NFASC: variants seen among roughly 807,000 people sequenced by gnomAD.
NFASC encodes the protein neurofascin.
A neutral mutation model predicts 147.5 loss-of-function variants in NFASC; 43 were observed. That is an observed-to-expected ratio of 0.29 (90% CI 0.23 to 0.38). The LOEUF (loss-of-function observed/expected upper bound fraction) is 0.38. Among genes scored for constraint, NFASC ranks in the 10% least tolerant of loss-of-function variants. NFASC has a pLI of 1.00. For synonymous variants in NFASC, 622 were observed against 665.5 expected (o/e 0.93, Z 1.01); for missense variants, 1,320 against 1,689.0 (o/e 0.78, Z 3.83).
intron 1 of NFASC, among the ~76,000 whole-genome samples, chr1:204,830,075 G>A (rs1671797428): frequency 1.3e-5 from 2 of 151,610 alleles, no homozygotes; most frequent in South Asian, 4.2e-4. Flanking sequence ...CCCTCAGTGT[G>A]GGGGAGAGGA....
At chr1:204,960,121 C>T (rs189763047) in intron 8 of NFASC, among the ~76,000 whole-genome samples, 1 of 152,186 alleles carries the variant, frequency 6.6e-6, no homozygotes, top group Non-Finnish European at 1.5e-5. Context: ...CTTGTACCTT[C>T]AGAACCAGGT....
At chr1:204,969,937 G>A (rs141646803) in intron 10 of NFASC, among the ~76,000 whole-genome samples, 82 of 152,102 alleles carry the variant, frequency 5.4e-4, no homozygotes, top group East Asian at 1.2e-3. Context: ...TTAGCTGGGC[G>A]TGGTGGGACA....
intron 22 of NFASC, 39 bp from the exon 23 acceptor site, chr1:204,988,594 G>A (rs749410403): frequency 1.9e-6 from 3 of 1,582,596 alleles, no homozygotes; most frequent in Non-Finnish European, 2.6e-6. Flanking sequence ...ATCAATAAAT[G>A]TTGCTAAAGT....
chr1:204,940,647 A>T (rs1207412387), intron 2 of NFASC, among the ~76,000 whole-genome samples: 1 of 152,132 alleles, frequency 6.6e-6, no homozygotes, highest in Non-Finnish European at 1.5e-5. Flanking sequence ...GTCTCAGTGT[A>T]TGTATCTATT....
chr1:204,887,805 C>T (rs879853599), intron 1 of NFASC, among the ~76,000 whole-genome samples: 9 of 151,926 alleles, frequency 5.9e-5, no homozygotes, highest in Admixed American at 5.2e-4. Flanking sequence ...GCCATGTTGG[C>T]CAGGCTGGTC....
chr1:205,003,515 C>T (rs2794864), intron 27 of NFASC, among the ~76,000 whole-genome samples: 5 of 152,100 alleles, frequency 3.3e-5, no homozygotes, highest in African/African-American at 1.2e-4. Context: ...CAGGGCACTC[C>T]CTGGTCTGAG....
chr1:204,921,123 G>A (rs541432435), intron 2 of NFASC, among the ~76,000 whole-genome samples: 1 of 152,342 alleles, frequency 6.6e-6, no homozygotes, highest in Non-Finnish European at 1.5e-5. Context: ...GCATATGGGA[G>A]ACAGTCCAAG....
At chr1:204,997,138 C>G in intron 24 of NFASC, 32 bp from the exon 25 acceptor site, 2 of 1,588,180 alleles carry the variant, frequency 1.3e-6, no homozygotes, top group Non-Finnish European at 1.7e-6. Context: ...GCCAAACCAA[C>G]CAGACTCGGC....
chr1:204,977,621 C>G (rs1475814426), intron 16 of NFASC, 60 bp from the exon 17 acceptor site: 1 of 1,544,044 alleles, frequency 6.5e-7, no homozygotes, highest in African/African-American at 1.4e-5. Context: ...CCCCATCCTT[C>G]TAGAACACCT....
rs1205146176 is a variant in NFASC, at chr1:205,016,851, C to G, written c.*312C>G. The G allele has an allele frequency of 4.4e-6, 2 of 449,960 alleles. No individual in the cohort carries two copies. Among genetic ancestry groups the G allele is most frequent in the Non-Finnish European group, 8.3e-6 (2 of 240,630 alleles). The allele number at this position is 449,960 out of a possible 1,614,324, so 27.9% of individuals were successfully genotyped here. On this transcript the variant is annotated 3_prime_UTR_variant, in exon 30 of 30. Transcript: ENST00000339876. This position sits in a 1 kb window ranked among gnomAD's most constrained non-coding sequence, Gnocchi z 5.1. ...GTTCCACCACACTGTCCGCCCTTGG[C>G]CTCGGCACACGCTCACCTTTTCTGT...
In NFASC at chr1:204,986,477, C is replaced by A. The variant is rs1054640577; in HGVS notation, c.2471-941C>A. On this transcript the variant is annotated intron_variant, in intron 21 of 29. Coordinates refer to ENST00000339876, the MANE Select transcript of NFASC (RefSeq NM_001005388.3). This position sits in a 1 kb window ranked among gnomAD's most constrained non-coding sequence, Gnocchi z 4.2. ...TGCCTGGAACCATCTGATTTGTTTG[C>A]CAGCACCCAACACCTTCACGGTTCT... is the stretch of plus-strand genomic sequence containing the variant. 6.6e-6 allele frequency among the ~76,000 whole-genome samples: 1 copy of A among 152,214 alleles called. No homozygotes were observed. The highest frequency in any genetic ancestry group is 1.5e-5 in the Non-Finnish European group (1 of 68,040).
intron 1 of NFASC, among the ~76,000 whole-genome samples, chr1:204,869,579 C>T (rs2077415212): frequency 6.6e-6 from 1 of 151,860 alleles, no homozygotes. Flanking sequence ...TAGCATTTAC[C>T]ATATGTATTA....
At position 204,968,821 on chromosome 1, in the gene NFASC, A is replaced by G; in HGVS notation, c.842A>G (p.Tyr281Cys). The G allele has an allele frequency of 6.2e-7, 1 of 1,613,692 alleles. No individual in the cohort carries two copies. Among genetic ancestry groups the G allele is most frequent in the Non-Finnish European group, 8.5e-7 (1 of 1,179,978 alleles). Residue 281 changes from tyrosine to cysteine, a missense_variant, in exon 10 of 30, where the codon TAC becomes TGC. Around this residue, in one of 3 missense-constraint regions of NFASC, gnomAD observed 981 missense variants for 1,289.5 expected, o/e 0.76. Coordinates refer to ENST00000339876, the MANE Select transcript of NFASC (RefSeq NM_001005388.3). This position sits in a 1 kb window ranked among gnomAD's most constrained non-coding sequence, Gnocchi z 5.4. ...SGVPTPDIAW[Y>C]KKGGDLPSDK... Reference sequence around the variant, plus strand: ...AGCCCAACACCAGACATCGCATGGTACAAGAAAGGTGGGGACCTCCCATCT... The same window carrying G: ...AGCCCAACACCAGACATCGCATGGTGCAAGAAAGGTGGGGACCTCCCATCT...
intron 1 of NFASC, among the ~76,000 whole-genome samples, chr1:204,851,038 T>A (rs1260581945): frequency 6.6e-6 from 1 of 152,176 alleles, no homozygotes; most frequent in Non-Finnish European, 1.5e-5. Flanking sequence ...CATCAAGATG[T>A]TTCAGTACTA....
Position 204,979,127 on chromosome 1 carries a change from C to T in NFASC, c.1978+58C>T, listed in dbSNP as rs752696531. The T allele has an allele frequency of 2.5e-5, 35 of 1,404,706 alleles. No homozygotes were observed. Among genetic ancestry groups the T allele is most frequent in the African/African-American group, 7.1e-5 (5 of 70,138 alleles). The allele number at this position is 1,404,706 out of a possible 1,614,324, so 87.0% of individuals were successfully genotyped here. A position where few individuals can be genotyped will look rare whatever the true frequency, so the allele number is the denominator to read the frequency against. ...AAGAGGGACGGCAACACCCTTAAAC[C>T]GAAGGCCTTTCCTGGTTTCCAGCCC... On this transcript the variant is annotated intron_variant, in intron 18 of 29. Transcript: ENST00000339876. The surrounding 1 kb of genome is among the most constrained non-coding windows in gnomAD (Gnocchi z 6.0).
In NFASC at chr1:204,940,834, C is replaced by T. The variant is rs866975386; in HGVS notation, c.-90-3392C>T. 3.0e-4 allele frequency among the ~76,000 whole-genome samples: 46 copies of T among 152,302 alleles called. No individual in the cohort carries two copies. The Middle Eastern group carries it at 0.014, about 45-fold the overall frequency. On this transcript the variant is annotated intron_variant, in intron 2 of 29. Transcript: ENST00000339876. ...TATATACATACTGGAATTTGTTTAT[C>T]CATTCATTCCTTAGAGGACATGTGG...
chr1:204,985,685 A>G (rs2095602005), intron 21 of NFASC, among the ~76,000 whole-genome samples: 1 of 152,230 alleles, frequency 6.6e-6, no homozygotes, highest in Non-Finnish European at 1.5e-5. Flanking sequence ...TCAGAAAATA[A>G]TTGGAACCAA....
rs1451548568 is a variant in NFASC at position 204,871,113 on chromosome 1, C to T, written c.-200+42331C>T. ...GCCCTCCCTCTTGGCCTCTCATCCT[C>T]ACCCCATTCCTCCTGCTTTGGCCTT... On this transcript the variant is annotated intron_variant, in intron 1 of 29. Transcript: ENST00000339876. 6.2e-6 allele frequency: 8 copies of T among 1,288,652 alleles called. No homozygotes were observed. In the Admixed American group the frequency reaches 1.8e-4, roughly 30 times the overall value. The allele number at this position is 1,288,652 out of a possible 1,614,324, so 79.8% of individuals were successfully genotyped here.
rs142566258 is a variant in NFASC at position 205,003,720 on chromosome 1, T to G, written c.3289+972T>G. Among the ~76,000 whole-genome samples the G allele has an allele frequency of 2.6e-5, 4 of 152,166 alleles. No homozygotes were observed. In the East Asian group the frequency reaches 7.7e-4, roughly 29 times the overall value. The stretch of plus-strand genomic sequence containing the variant: ...GGGAAAAAACACACAGTGATTTACA[T>G]GAACTTCTGAATGTTGACTTAAATA... On this transcript the variant is annotated intron_variant, in intron 27 of 29. Transcript: ENST00000339876.
Sources: allele counts gnomAD v4.1 joint callset (sites outside exome capture counted in the v4.1 genomes callset), GRCh38; gene constraint gnomAD v4.1.1; regional missense constraint gnomAD v4.1.1; non-coding constraint Gnocchi (gnomAD v3.1); transcripts MANE v1.5; gene names NCBI Gene and HGNC (gene_info 2026-07-23, HGNC 2026-07-21).